KALRN: variants seen among roughly 807,000 people sequenced by gnomAD.
KALRN encodes kalirin.
Under a neutral mutation model 353.7 loss-of-function variants are expected in KALRN, and 70 were observed. The ratio of observed to expected loss-of-function variants is 0.20; its 90% confidence interval spans 0.16 to 0.24. KALRN has a LOEUF of 0.24. KALRN is among the 10% of genes least tolerant of loss of function. The pLI is 1.00. For synonymous variants in KALRN, 1,391 were observed against 1,434.8 expected, an observed-to-expected ratio of 0.97 and a Z score of 0.69; for missense variants, 2,791 against 3,756.7, an observed-to-expected ratio of 0.74 and a Z score of 6.72.
intron 1 of KALRN, among the ~76,000 whole-genome samples, chr3:124,072,779 A>T (rs2060079674): frequency 6.6e-6 from 1 of 152,250 alleles, no homozygotes; most frequent in Non-Finnish European, 1.5e-5. Context: ...TATAAAACCT[A>T]ATTAATTGCT....
intron 45 of KALRN, among the ~76,000 whole-genome samples, chr3:124,664,614 C>T (rs2085390502): frequency 6.6e-6 from 1 of 152,052 alleles, no homozygotes; most frequent in African/African-American, 2.4e-5. Context: ...TTTTACCATG[C>T]TGGCCAGGCT....
intron 5 of KALRN, among the ~76,000 whole-genome samples, chr3:124,276,733 C>T (rs576551719): frequency 1.3e-5 from 2 of 152,266 alleles, no homozygotes; most frequent in Admixed American, 1.3e-4. Flanking sequence ...AATCTTTGAC[C>T]CAGAGCAGAG....
chr3:124,311,691 A>G (rs542665080), intron 6 of KALRN, among the ~76,000 whole-genome samples: 18 of 152,242 alleles, frequency 1.2e-4, no homozygotes, highest in Non-Finnish European at 1.8e-4. Flanking sequence ...CATACATTGT[A>G]CACAAATGTT....
chr3:124,592,781 T>C (rs1246804134), intron 34 of KALRN, among the ~76,000 whole-genome samples: 3 of 152,236 alleles, frequency 2.0e-5, no homozygotes, highest in African/African-American at 7.2e-5. Flanking sequence ...CTTTTGCTCT[T>C]GGCAGAACTG....
intron 17 of KALRN, 28 bp from the exon 18 acceptor site, chr3:124,438,860 C>G: frequency 6.3e-7 from 1 of 1,590,104 alleles, no homozygotes; most frequent in Non-Finnish European, 8.6e-7. Context: ...AATTAATTTA[C>G]TGAGTCTTTT....
chr3:124,617,559 G>T (rs1216121747), intron 34 of KALRN, among the ~76,000 whole-genome samples: 1 of 152,206 alleles, frequency 6.6e-6, no homozygotes, highest in Non-Finnish European at 1.5e-5. Context: ...AAGCAGGGAA[G>T]AATGCAACAT....
At chr3:124,034,634 G>A (rs1246991860) in intron 1 of KALRN, among the ~76,000 whole-genome samples, 2 of 151,950 alleles carry the variant, frequency 1.3e-5, no homozygotes, top group African/African-American at 4.8e-5. Flanking sequence ...TGGCTACACA[G>A]TCCCTCCCTA....
At chr3:124,677,508 A>G (rs567183827) in intron 49 of KALRN, 3 of 445,918 alleles carry the variant, frequency 6.7e-6, no homozygotes, top group Admixed American at 4.9e-5. Flanking sequence ...CCCAATAGGG[A>G]AGCTCTAGGA....
chr3:124,560,156 G>A (rs1162485666), intron 33 of KALRN, among the ~76,000 whole-genome samples: 1 of 152,248 alleles, frequency 6.6e-6, no homozygotes, highest in Admixed American at 6.5e-5. Flanking sequence ...AGGGAAGTGG[G>A]TCTTGTATCT....
intron 1 of KALRN, among the ~76,000 whole-genome samples, chr3:124,219,815 A>G (rs1274843519): frequency 6.6e-6 from 1 of 151,618 alleles, no homozygotes; most frequent in Non-Finnish European, 1.5e-5. Context: ...GGGGAGAGGC[A>G]TGTGGGTCTC....
intron 6 of KALRN, among the ~76,000 whole-genome samples, chr3:124,310,889 CTA>C (rs1393884593): frequency 2.6e-5 from 4 of 152,048 alleles, no homozygotes; most frequent in African/African-American, 9.6e-5. Context: ...TGTCTGCAAT[CTA>C]TAAAGAACTC....
At chr3:124,596,199 AAG>A (rs1491073465) in intron 34 of KALRN, among the ~76,000 whole-genome samples, 1 of 151,632 alleles carries the variant, frequency 6.6e-6, no homozygotes, top group African/African-American at 2.4e-5. Context: ...AAAAAAAAAA[AAG>A]GACCAGGTGC....
intron 5 of KALRN, among the ~76,000 whole-genome samples, chr3:124,275,905 G>A (rs2074670162): frequency 6.6e-6 from 1 of 152,160 alleles, no homozygotes; most frequent in Non-Finnish European, 1.5e-5. Flanking sequence ...TCACACCTGA[G>A]GAGTCAGGGT....
At chr3:124,431,453 T>G (rs2093273821) in intron 16 of KALRN, among the ~76,000 whole-genome samples, 1 of 152,224 alleles carries the variant, frequency 6.6e-6, no homozygotes, top group African/African-American at 2.4e-5. Flanking sequence ...TTAAGTACCC[T>G]TAATTATCCT....
intron 51 of KALRN, among the ~76,000 whole-genome samples, chr3:124,689,159 T>C (rs989537546): frequency 2.0e-5 from 3 of 152,246 alleles, no homozygotes; most frequent in African/African-American, 7.2e-5. Flanking sequence ...GTGCATTTTA[T>C]GTGAACAATG....
intron 33 of KALRN, among the ~76,000 whole-genome samples, chr3:124,550,554 G>A (rs2070355778): frequency 6.6e-6 from 1 of 152,016 alleles, no homozygotes; most frequent in Non-Finnish European, 1.5e-5. Flanking sequence ...AGTCTCTTTG[G>A]GACCAGTCTT....
At chr3:124,515,830 T>A (rs2066480524) in intron 33 of KALRN, among the ~76,000 whole-genome samples, 1 of 152,220 alleles carries the variant, frequency 6.6e-6, no homozygotes. Flanking sequence ...CTATCATTTT[T>A]AAAGTTAAGA....
intron 1 of KALRN, among the ~76,000 whole-genome samples, chr3:124,146,454 A>G (rs1230417536): frequency 1.3e-5 from 2 of 152,184 alleles, no homozygotes; most frequent in South Asian, 2.1e-4. Context: ...AAAAGCAGAA[A>G]AAAAAATCAA....
intron 12 of KALRN, chr3:124,395,627 AAC>A: frequency 2.5e-5 from 10 of 407,224 alleles, no homozygotes; most frequent in Non-Finnish European, 4.4e-5. Context: ...AGACAAAAAA[AAC>A]AAAAGTAAAA....
Sources: allele counts gnomAD v4.1 joint callset (sites outside exome capture counted in the v4.1 genomes callset), GRCh38; gene constraint gnomAD v4.1.1; transcripts MANE v1.5; gene names NCBI Gene and HGNC (gene_info 2026-07-23, HGNC 2026-07-21).